GPM6A: variants seen among roughly 807,000 people sequenced by gnomAD.
The protein encoded by GPM6A is glycoprotein M6A, also known as neuronal membrane glycoprotein M6-a.
GPM6A carries 7 observed loss-of-function variants against 32.1 expected under a neutral mutation model. The observed-to-expected ratio is 0.22, with a 90% confidence interval of 0.12 to 0.41. The LOEUF is 0.41. GPM6A is among the 10% of genes least tolerant of loss of function. The pLI is 1.00. For synonymous variants in GPM6A, 130 were observed against 123.4 expected (o/e 1.05, Z -0.35); for missense variants, 235 against 347.2 (o/e 0.68, Z 2.57).
intron 1 of GPM6A, among the ~76,000 whole-genome samples, chr4:175,989,506 G>T (rs904714373): frequency 3.3e-5 from 5 of 151,910 alleles, no homozygotes; most frequent in Non-Finnish European, 7.4e-5. Flanking sequence ...AGTCATACAA[G>T]TATTAAAGTA....
chr4:175,827,184 A>C (rs536995886), intron 1 of GPM6A, among the ~76,000 whole-genome samples: 1 of 152,358 alleles, frequency 6.6e-6, no homozygotes, highest in African/African-American at 2.4e-5. Context: ...CTATACAAAA[A>C]TGATGTAATT....
chr4:175,748,536 T>G (rs1430455594), intron 1 of GPM6A, among the ~76,000 whole-genome samples: 1 of 152,152 alleles, frequency 6.6e-6, no homozygotes, highest in East Asian at 1.9e-4. Context: ...GAGCAGTAGG[T>G]GTCAACAGTG....
intron 3 of GPM6A, among the ~76,000 whole-genome samples, chr4:175,670,738 A>C (rs1404105896): frequency 2.6e-5 from 4 of 152,180 alleles, no homozygotes; most frequent in Non-Finnish European, 4.4e-5. Flanking sequence ...AATGAACTTG[A>C]ATTGGTGCTG....
At chr4:175,861,068 A>C (rs1736559623) in intron 1 of GPM6A, among the ~76,000 whole-genome samples, 1 of 152,266 alleles carries the variant, frequency 6.6e-6, no homozygotes, top group East Asian at 1.9e-4. Flanking sequence ...CCATGAAAAT[A>C]AGCATTTCCA....
At chr4:175,917,849 C>A (rs1468561206) in intron 1 of GPM6A, among the ~76,000 whole-genome samples, 1 of 7,832 alleles carries the variant, frequency 1.3e-4, no homozygotes, top group African/African-American at 1.4e-4. Flanking sequence ...GTTAAGTAGC[C>A]TTATAAGTCA....
chr4:175,932,273 A>G (rs930730689), intron 1 of GPM6A, among the ~76,000 whole-genome samples: 6 of 152,120 alleles, frequency 3.9e-5, no homozygotes, highest in Non-Finnish European at 5.9e-5. Flanking sequence ...CTCTTCCATC[A>G]TGAAGGGGAT....
intron 2 of GPM6A, among the ~76,000 whole-genome samples, chr4:175,700,941 A>G (rs1385698123): frequency 6.6e-6 from 1 of 152,206 alleles, no homozygotes; most frequent in Non-Finnish European, 1.5e-5. Flanking sequence ...TAATTTTCAG[A>G]CTGTTTAAGT....
chr4:175,860,187 TAAC>T (rs1431817305), intron 1 of GPM6A, among the ~76,000 whole-genome samples: 2 of 150,686 alleles, frequency 1.3e-5, no homozygotes, highest in African/African-American at 4.9e-5. Context: ...AGTGAGAAGA[TAAC>T]AATACAAGTA....
Position 175,957,075 on chromosome 4 carries a change from G to A in GPM6A, c.-23+45234C>T, listed in dbSNP as rs564975483. Among the ~76,000 whole-genome samples, 2 of 152,248 alleles carry A rather than the reference G, an allele frequency of 1.3e-5. 1 individual carries two copies. Among genetic ancestry groups the A allele is most frequent in the South Asian group, 4.1e-4 (2 of 4,820 alleles). The stretch of plus-strand genomic sequence containing the variant: ...AAAAATATATTTTTTTACTAGAACA[G>A]CTTCCAAAAACACCCTTAGTTTTTC... On this transcript the variant is annotated intron_variant, in intron 1 of 7. Transcript: ENST00000280187.
chr4:175,726,938 G>C (rs1359087545), intron 1 of GPM6A, among the ~76,000 whole-genome samples: 1 of 152,122 alleles, frequency 6.6e-6, no homozygotes, highest in Non-Finnish European at 1.5e-5. Context: ...GGAGATTACG[G>C]TAAGCCAAGA....
intron 3 of GPM6A, among the ~76,000 whole-genome samples, chr4:175,667,306 A>G (rs148814676): frequency 4.9e-4 from 75 of 152,244 alleles, no homozygotes; most frequent in Middle Eastern, 3.4e-3. Flanking sequence ...TCCTCCTCAT[A>G]ACTCAAAACC....
intron 1 of GPM6A, among the ~76,000 whole-genome samples, chr4:175,710,378 T>C (rs867384875): frequency 6.3e-4 from 96 of 152,288 alleles, no homozygotes; most frequent in African/African-American, 2.2e-3. Context: ...AGTTCTGATA[T>C]GCAAACTTTT....
chr4:175,783,205 G>A (rs528337252), intron 1 of GPM6A, among the ~76,000 whole-genome samples: 4 of 151,908 alleles, frequency 2.6e-5, no homozygotes, highest in South Asian at 4.2e-4. Context: ...AAATAATCAG[G>A]CACTGCCTTG....
At chr4:175,890,332 G>A (rs372654042) in intron 1 of GPM6A, among the ~76,000 whole-genome samples, 251 of 152,106 alleles carry the variant, frequency 1.7e-3, no homozygotes, top group African/African-American at 5.7e-3. Flanking sequence ...ATGTATGTAC[G>A]AAAAATATAT....
At chr4:175,975,372 T>C (rs1171438500) in intron 1 of GPM6A, among the ~76,000 whole-genome samples, 2 of 152,198 alleles carry the variant, frequency 1.3e-5, no homozygotes, top group Admixed American at 6.5e-5. Context: ...AATACCTGAG[T>C]TGCAGTTGTC....
At position 175,634,070 on chromosome 4, in the gene GPM6A, A is replaced by C. The variant is rs1362664399; in HGVS notation, c.*835T>G. On this transcript the variant is annotated 3_prime_UTR_variant, in exon 7 of 7. Coordinates refer to ENST00000393658, the MANE Select transcript of GPM6A (RefSeq NM_201591.3). ...AAAAGTTCCAATCCAGCCACTTCTT[A>C]AATCACAAAGAGATCATTCTTCAAT... 6.6e-6 allele frequency: 1 copy of C among 152,552 alleles called. No homozygotes were observed. The allele number at this position is 152,552 out of a possible 1,614,324, so 9.4% of individuals were successfully genotyped here.
intron 2 of GPM6A, among the ~76,000 whole-genome samples, chr4:175,676,080 C>T (rs1743351372): frequency 6.6e-6 from 1 of 152,094 alleles, no homozygotes; most frequent in South Asian, 2.1e-4. Flanking sequence ...TTCTAAGATG[C>T]TTTCCTGCTG....
intron 1 of GPM6A, among the ~76,000 whole-genome samples, chr4:175,704,345 G>T (rs981273565): frequency 6.6e-6 from 1 of 151,342 alleles, no homozygotes; most frequent in Non-Finnish European, 1.5e-5. Flanking sequence ...ACACGTGCAC[G>T]TGTGCACGCC....
chr4:175,712,032 C>T (rs910862878), intron 1 of GPM6A, among the ~76,000 whole-genome samples: 1 of 152,026 alleles, frequency 6.6e-6, no homozygotes, highest in Non-Finnish European at 1.5e-5. Context: ...GACACACACA[C>T]ACACAAAGAA....
Sources: gnomAD v4.1 joint callset for allele counts (sites outside exome capture counted in the v4.1 genomes callset) on GRCh38, gnomAD v4.1.1 for gene constraint, MANE v1.5 for transcripts, NCBI Gene and HGNC (gene_info 2026-07-23, HGNC 2026-07-21) for gene names.